SORCS3: variants seen among roughly 807,000 people sequenced by gnomAD.
SORCS3 encodes the protein VPS10 domain-containing receptor SorCS3.
A neutral mutation model predicts 146.3 loss-of-function variants in SORCS3; 57 were observed. The observed-to-expected ratio is 0.39, with a 90% CI of 0.31 to 0.49. The LOEUF is 0.49. Among genes scored for constraint, SORCS3 ranks in the 20% least tolerant of loss-of-function variants. The pLI, the probability that SORCS3 is intolerant of heterozygous loss-of-function variation, is 0.92. For synonymous variants in SORCS3, 653 were observed against 618.5 expected (o/e 1.06, Z -0.83); for missense variants, 1,341 against 1,575.5 (o/e 0.85, Z 2.52).
intron 5 of SORCS3, among the ~76,000 whole-genome samples, chr10:105,089,518 T>G (rs1286561562): frequency 6.6e-6 from 1 of 152,108 alleles, no homozygotes; most frequent in African/African-American, 2.4e-5. Flanking sequence ...GCACTCTGTA[T>G]TCTTCTCTAT....
intron 20 of SORCS3, among the ~76,000 whole-genome samples, chr10:105,230,431 G>C (rs1207750701): frequency 6.6e-6 from 1 of 152,082 alleles, no homozygotes; most frequent in Non-Finnish European, 1.5e-5. Context: ...TCAGGTGGGT[G>C]GGAAATACAT....
intron 4 of SORCS3, among the ~76,000 whole-genome samples, chr10:104,979,110 C>T (rs2054918568): frequency 1.3e-5 from 2 of 152,096 alleles, no homozygotes; most frequent in Non-Finnish European, 2.9e-5. Flanking sequence ...TGTTCTTTTT[C>T]GTAGCACTAT....
chr10:105,005,828 C>T (rs892300830), intron 4 of SORCS3, among the ~76,000 whole-genome samples: 1 of 152,190 alleles, frequency 6.6e-6, no homozygotes, highest in African/African-American at 2.4e-5. Context: ...ATTTAACTAG[C>T]TACTTGATAT....
intron 1 of SORCS3, among the ~76,000 whole-genome samples, chr10:104,812,985 C>G (rs1489809621): frequency 6.6e-6 from 1 of 152,194 alleles, no homozygotes; most frequent in Admixed American, 6.5e-5. Flanking sequence ...CCAGCTCTAA[C>G]TTCAAAACAC....
intron 2 of SORCS3, among the ~76,000 whole-genome samples, chr10:104,880,392 G>C (rs1226744627): frequency 1.3e-5 from 2 of 152,270 alleles, no homozygotes; most frequent in African/African-American, 4.8e-5. Flanking sequence ...TCCATTGGCT[G>C]TTCTATGCTC....
In SORCS3 at chr10:105,255,953, A is replaced by G. The variant is rs2056929028; in HGVS notation, c.3337+152A>G. 3.3e-6 allele frequency: 2 copies of G among 605,810 alleles called. 1 individual carries two copies. Among genetic ancestry groups the G allele is most frequent in the South Asian group, 4.6e-5 (2 of 43,764 alleles). 37.5% of individuals were successfully genotyped at this position (605,810 alleles called of 1,614,324 possible). On this transcript the variant is annotated intron_variant, in intron 24 of 26. Coordinates refer to ENST00000369701, the MANE Select transcript of SORCS3 (RefSeq NM_014978.3). ...TAGTTATGGTTCAGAAGGATTGGTC[A>G]CATCAGTCACATTGTTCTGAAGGCA...
chr10:104,741,948 A>G (rs1564672998), intron 1 of SORCS3, among the ~76,000 whole-genome samples: 2 of 151,614 alleles, frequency 1.3e-5, no homozygotes, highest in African/African-American at 4.8e-5. Context: ...CAGTGTTGGC[A>G]CGTATTGTCT....
intron 1 of SORCS3, among the ~76,000 whole-genome samples, chr10:104,775,656 A>C (rs1034647094): frequency 2.0e-5 from 3 of 152,140 alleles, no homozygotes; most frequent in Non-Finnish European, 4.4e-5. Flanking sequence ...TCCAGCACGG[A>C]TTTGAGTTTG....
At position 104,641,637 on chromosome 10, in the gene SORCS3, G is replaced by A. The variant is rs1450721430; in HGVS notation, c.310G>A (p.Glu104Lys). The A allele has an allele frequency of 6.6e-7, 1 of 1,525,130 alleles. No homozygotes were observed. The highest frequency in any genetic ancestry group is 8.8e-7 in the Non-Finnish European group (1 of 1,141,856). The allele number at this position is 1,525,130 out of a possible 1,614,324, so 94.5% of individuals were successfully genotyped here. ...CGGCAGAGGCGGTGAGATGCAGGTG[G>A]AAGCCGGAGGGACATCACCGGCAGG... ...GGGRGGEMQV[E>K]AGGTSPAGER... The change falls in exon 1 of 27, where the codon GAA (glutamate) becomes AAA (lysine). Residue 104 changes from glutamate (E) to lysine (K), a missense_variant. Transcript: ENST00000369701. This position sits in a 1 kb window ranked among gnomAD's most constrained non-coding sequence, Gnocchi z 6.4.
At chr10:105,165,380 G>C (rs78993164) in intron 12 of SORCS3, among the ~76,000 whole-genome samples, 1 of 152,120 alleles carries the variant, frequency 6.6e-6, no homozygotes, top group Non-Finnish European at 1.5e-5. Flanking sequence ...GTTTCTCCGT[G>C]GAGAAGACAA....
intron 1 of SORCS3, among the ~76,000 whole-genome samples, chr10:104,719,289 A>G (rs1050364537): frequency 6.6e-6 from 1 of 152,110 alleles, no homozygotes; most frequent in Non-Finnish European, 1.5e-5. Context: ...CATTATAAGC[A>G]TACCCTGGTT....
intron 4 of SORCS3, among the ~76,000 whole-genome samples, chr10:104,993,074 G>T (rs1564730505): frequency 2.6e-5 from 4 of 152,036 alleles, no homozygotes; most frequent in Non-Finnish European, 1.5e-5. Context: ...CAGGGGAGAG[G>T]GTGCCTGATA....
At chr10:104,897,037 C>G (rs1354582709) in intron 2 of SORCS3, among the ~76,000 whole-genome samples, 1 of 152,192 alleles carries the variant, frequency 6.6e-6, no homozygotes, top group Non-Finnish European at 1.5e-5. Flanking sequence ...TGGGCTCACT[C>G]TTTTGGGTGC....
Position 105,211,469 on chromosome 10 carries a change from AT to A in SORCS3, c.2375+222del, listed in dbSNP as rs2056633288. Among the ~76,000 whole-genome samples, 5 of 152,176 alleles carry A rather than the reference AT, an allele frequency of 3.3e-5. No homozygotes were observed. In the South Asian group the frequency reaches 1.0e-3, roughly 31 times the overall value. ...CAACCAGATTTCAATAACTTTGAAT[AT>A]TTGCTTATGATAGACCATAGTTACT... is the stretch of plus-strand genomic sequence containing the variant. On this transcript the variant is annotated intron_variant, in intron 17 of 26. Coordinates refer to ENST00000369701, the MANE Select transcript of SORCS3 (RefSeq NM_014978.3).
chr10:104,963,993 T>G (rs1188162747), intron 3 of SORCS3, among the ~76,000 whole-genome samples: 1 of 152,100 alleles, frequency 6.6e-6, no homozygotes, highest in Admixed American at 6.6e-5. Context: ...ACTGACCACC[T>G]CTCAGCACCT....
chr10:105,218,817 C>A (rs1163807055), intron 19 of SORCS3, among the ~76,000 whole-genome samples: 1 of 152,154 alleles, frequency 6.6e-6, no homozygotes, highest in African/African-American at 2.4e-5. Flanking sequence ...GAGATCGAGA[C>A]CATCCTGGCT....
intron 1 of SORCS3, among the ~76,000 whole-genome samples, chr10:104,792,660 C>G (rs2017508365): frequency 1.3e-5 from 2 of 152,140 alleles, no homozygotes; most frequent in African/African-American, 4.8e-5. Context: ...GGCTAAAATT[C>G]TTCTACTTTA....
chr10:104,864,680 A>G (rs920363098), intron 2 of SORCS3, among the ~76,000 whole-genome samples: 4 of 152,154 alleles, frequency 2.6e-5, no homozygotes, highest in African/African-American at 7.2e-5. Flanking sequence ...ATTTAACACT[A>G]TTAAAGCTTG....
chr10:104,716,063 TC>T (rs1243412406), intron 1 of SORCS3, among the ~76,000 whole-genome samples: 3 of 152,300 alleles, frequency 2.0e-5, no homozygotes, highest in Admixed American at 6.5e-5. Context: ...GAATCCTCTT[TC>T]CCCAAATCTA....
Sources: allele counts gnomAD v4.1 joint callset (sites outside exome capture counted in the v4.1 genomes callset), GRCh38; gene constraint gnomAD v4.1.1; non-coding constraint Gnocchi (gnomAD v3.1); transcripts MANE v1.5; gene names NCBI Gene and HGNC (gene_info 2026-07-23, HGNC 2026-07-21).